The following GPHN variants were observed in gnomAD, a reference collection of about 807,000 sequenced individuals.
GPHN encodes the protein gephyrin.
Under a neutral mutation model 95.5 loss-of-function variants are expected in GPHN, and 17 were observed. The ratio of observed to expected loss-of-function variants is 0.18; its 90% CI spans 0.12 to 0.27. The LOEUF is 0.27. GPHN is among the 10% of genes least tolerant of loss of function. The pLI, the probability that GPHN is intolerant of heterozygous loss-of-function variation, is 1.00. For missense variants in GPHN, 660 were observed against 978.1 expected, an observed-to-expected ratio of 0.67 and a Z score of 4.34; for synonymous variants, 320 against 322.5, an observed-to-expected ratio of 0.99 and a Z score of 0.08.
At chr14:66,513,798 A>G (rs1234665636) in intron 1 of GPHN, among the ~76,000 whole-genome samples, 1 of 151,928 alleles carries the variant, frequency 6.6e-6, no homozygotes, top group Non-Finnish European at 1.5e-5. Flanking sequence ...TAGAAGTTCT[A>G]TCCAGGTTCT....
chr14:67,266,203 T>C, the GPHN span, among the ~76,000 whole-genome samples: 1 of 152,170 alleles, frequency 6.6e-6, no homozygotes, highest in Non-Finnish European at 1.5e-5. Flanking sequence ...TATTTAAAAG[T>C]CTTTTTAGTT....
intron 8 of GPHN, among the ~76,000 whole-genome samples, chr14:66,953,458 T>C (rs960761126): frequency 8.5e-5 from 13 of 152,192 alleles, no homozygotes; most frequent in African/African-American, 3.1e-4. Flanking sequence ...TGAGCTCTTA[T>C]AATACAATTA....
At chr14:67,578,321 C>T in the GPHN span, 2 of 856,948 alleles carry the variant, frequency 2.3e-6, no homozygotes, top group South Asian at 3.1e-5. The surrounding 1 kb of genome is among the most constrained non-coding windows in gnomAD (Gnocchi z 5.0). Context: ...AGCCTCTGTG[C>T]TCCAAGCTGC....
the GPHN span, among the ~76,000 whole-genome samples, chr14:67,282,146 A>G: frequency 6.6e-6 from 1 of 152,202 alleles, no homozygotes; most frequent in African/African-American, 2.4e-5. Flanking sequence ...TGTCAGTCAT[A>G]GCCTCAGGTT....
intron 2 of GPHN, among the ~76,000 whole-genome samples, chr14:66,700,527 A>T (rs1412827206): frequency 6.6e-6 from 1 of 152,148 alleles, no homozygotes; most frequent in Non-Finnish European, 1.5e-5. Context: ...TTGGTCTGGG[A>T]CAACTCGGGG....
At chr14:67,444,125 C>A in the GPHN span, among the ~76,000 whole-genome samples, 1 of 152,172 alleles carries the variant, frequency 6.6e-6, no homozygotes, top group African/African-American at 2.4e-5. Flanking sequence ...GCTTTCCGGA[C>A]TGAAATAATG....
chr14:67,651,199 TTGTTGC>T, the GPHN span: 2 of 1,178,890 alleles, frequency 1.7e-6, no homozygotes, highest in East Asian at 5.1e-5. Flanking sequence ...CATACTGGTC[TTGTTGC>T]TGTTGTTCCT....
chr14:66,669,687 T>C (rs2066189649), intron 1 of GPHN, among the ~76,000 whole-genome samples: 2 of 152,164 alleles, frequency 1.3e-5, no homozygotes, highest in African/African-American at 4.8e-5. Context: ...TGTTTTCGCA[T>C]GTTTCTTTCA....
chr14:67,160,259 T>C (rs2081895801), intron 19 of GPHN, among the ~76,000 whole-genome samples: 1 of 152,174 alleles, frequency 6.6e-6, no homozygotes, highest in Non-Finnish European at 1.5e-5. Flanking sequence ...ATTACTTCCT[T>C]AGGTTATGTT....
intron 1 of GPHN, among the ~76,000 whole-genome samples, chr14:66,646,773 T>C (rs911232490): frequency 5.3e-5 from 8 of 152,130 alleles, no homozygotes; most frequent in African/African-American, 1.9e-4. Flanking sequence ...AGAGTTTCAG[T>C]TTTACAAGAT....
intron 11 of GPHN, among the ~76,000 whole-genome samples, chr14:67,072,789 C>T (rs1387370817): frequency 1.6e-5 from 2 of 122,944 alleles, no homozygotes; most frequent in Non-Finnish European, 3.0e-5. Flanking sequence ...TGGTTAACTT[C>T]CTAAAAAAAA....
intron 10 of GPHN, among the ~76,000 whole-genome samples, chr14:67,043,997 C>T (rs2074854132): frequency 6.6e-6 from 1 of 152,036 alleles, no homozygotes; most frequent in Non-Finnish European, 1.5e-5. Flanking sequence ...TCTAGATTTT[C>T]TAGTTTATTT....
At chr14:67,209,297 G>T in the GPHN span, among the ~76,000 whole-genome samples, 1 of 152,064 alleles carries the variant, frequency 6.6e-6, no homozygotes, top group Non-Finnish European at 1.5e-5. Context: ...GTGCTGTGAT[G>T]AAAATAAAAA....
chr14:67,296,330 G>C, the GPHN span, among the ~76,000 whole-genome samples: 5 of 152,182 alleles, frequency 3.3e-5, no homozygotes, highest in South Asian at 1.0e-3. Context: ...GCCGGATGCA[G>C]TGGCTCACGC....
chr14:67,181,640 A>T lies in GPHN; in HGVS notation c.*703A>T. The T allele has an allele frequency of 3.2e-6, 1 of 317,372 alleles. No homozygotes were observed. Among genetic ancestry groups the T allele is most frequent in the East Asian group, 6.1e-5 (1 of 16,374 alleles). 19.7% of individuals were successfully genotyped at this position (317,372 alleles called of 1,614,324 possible). On this transcript the variant is annotated 3_prime_UTR_variant, in exon 23 of 23. Transcript: ENST00000478722. ...CATTTAAAATTGTACAGAACAAAAA[A>T]ATAAAATCAAAGACTGATCTTGTAC...
chr14:66,551,381 T>G (rs2059806076), intron 1 of GPHN, among the ~76,000 whole-genome samples: 1 of 152,248 alleles, frequency 6.6e-6, no homozygotes, highest in South Asian at 2.1e-4. Flanking sequence ...TTTTTCTTCC[T>G]CTGTGTGGTC....
intron 13 of GPHN, among the ~76,000 whole-genome samples, chr14:67,105,942 A>G (rs190520775): frequency 1.3e-5 from 2 of 151,970 alleles, no homozygotes; most frequent in Admixed American, 1.3e-4. Flanking sequence ...TTCTACATTG[A>G]TACTGTTTTA....
the GPHN span, chr14:67,572,281 A>T: frequency 6.3e-7 from 1 of 1,592,412 alleles, no homozygotes; most frequent in Admixed American, 1.7e-5. Flanking sequence ...GGGCGGGGTG[A>T]GCCGGGAAAC....
At chr14:66,524,634 C>A (rs1311088483) in intron 1 of GPHN, among the ~76,000 whole-genome samples, 1 of 152,030 alleles carries the variant, frequency 6.6e-6, no homozygotes, top group Non-Finnish European at 1.5e-5. Flanking sequence ...TCTCCTAATG[C>A]TATCCCTCCC....
Sources: gnomAD v4.1 joint callset for allele counts (sites outside exome capture counted in the v4.1 genomes callset) on GRCh38, gnomAD v4.1.1 for gene constraint, Gnocchi (gnomAD v3.1) non-coding constraint, MANE v1.5 for transcripts, NCBI Gene and HGNC (gene_info 2026-07-23, HGNC 2026-07-21) for gene names.